DPP6: variants seen among roughly 807,000 people sequenced by gnomAD.
The protein encoded by DPP6 is A-type potassium channel modulatory protein DPP6.
Under a neutral mutation model 122.6 loss-of-function variants are expected in DPP6, and 69 were observed. The ratio of observed to expected loss-of-function variants is 0.56; its 90% CI spans 0.46 to 0.69. The LOEUF is 0.69. Among genes scored for constraint, DPP6 ranks in the 30% least tolerant of loss-of-function variants. The probability of loss-of-function intolerance (pLI) is 0.00; values close to 1 mark genes in which losing one functional copy is unlikely to be tolerated. For missense variants in DPP6, 928 were observed against 1,116.9 expected (o/e 0.83, Z 2.41); for synonymous variants, 418 against 433.1 (o/e 0.97, Z 0.43).
intron 3 of DPP6, among the ~76,000 whole-genome samples, chr7:154,479,557 CAA>C (rs35103324): frequency 3.3e-5 from 3 of 91,212 alleles, no homozygotes; most frequent in Non-Finnish European, 6.2e-5. Flanking sequence ...GACTCCATCT[CAA>C]AAAAAAAAAA....
chr7:154,205,123 G>A (rs1434452160), intron 1 of DPP6, among the ~76,000 whole-genome samples: 2 of 151,936 alleles, frequency 1.3e-5, no homozygotes, highest in East Asian at 1.9e-4. Context: ...GAACAACTTC[G>A]ATGTGGTTTT....
chr7:154,868,117 T>TAAAAGA (rs753702819), intron 18 of DPP6, 24 bp downstream of exon 18: 22 of 1,574,958 alleles, frequency 1.4e-5, no homozygotes, highest in East Asian at 1.4e-4. Flanking sequence ...TTTTCCCCTC[T>TAAAAGA]AAAAGAAAAA....
intron 1 of DPP6, among the ~76,000 whole-genome samples, chr7:154,391,154 CT>C (rs1563592555): frequency 6.6e-6 from 1 of 152,200 alleles, no homozygotes; most frequent in African/African-American, 2.4e-5. Flanking sequence ...TCCGTATGCC[CT>C]TGATTCATAC....
chr7:154,209,372 C>G (rs1332665450), intron 1 of DPP6, among the ~76,000 whole-genome samples: 1 of 152,144 alleles, frequency 6.6e-6, no homozygotes, highest in Admixed American at 6.6e-5. Context: ...AACTCAGCCT[C>G]CATGGATGTG....
intron 16 of DPP6, among the ~76,000 whole-genome samples, chr7:154,836,053 C>T (rs373708477): frequency 3.9e-5 from 6 of 152,172 alleles, no homozygotes; most frequent in African/African-American, 1.2e-4. Context: ...AATGTTCCTC[C>T]GAGGCTCCCA....
intron 1 of DPP6, among the ~76,000 whole-genome samples, chr7:154,309,376 T>A (rs888103871): frequency 2.6e-5 from 4 of 152,202 alleles, no homozygotes; most frequent in African/African-American, 9.7e-5. Flanking sequence ...TAGTATTAAC[T>A]TAAATTTGGT....
intron 1 of DPP6, among the ~76,000 whole-genome samples, chr7:154,413,417 G>T (rs2151210971): frequency 6.6e-6 from 1 of 152,316 alleles, no homozygotes; most frequent in East Asian, 1.9e-4. Flanking sequence ...AGGCTGACAT[G>T]CAAAGAGAGT....
intron 1 of DPP6, among the ~76,000 whole-genome samples, chr7:154,060,345 CGCG>C (rs1563149598): frequency 2.7e-5 from 3 of 111,638 alleles, no homozygotes; most frequent in African/African-American, 1.0e-4. Flanking sequence ...AGGCACCCCC[CGCG>C]AGGCAGGGAC....
chr7:154,235,972 T>C (rs1353546951), intron 1 of DPP6, among the ~76,000 whole-genome samples: 2 of 152,114 alleles, frequency 1.3e-5, no homozygotes, highest in African/African-American at 4.8e-5. Context: ...CTTGCCTCAG[T>C]CTCCCAGCTA....
At chr7:154,776,104 C>G (rs982744462) in intron 10 of DPP6, among the ~76,000 whole-genome samples, 1 of 151,774 alleles carries the variant, frequency 6.6e-6, no homozygotes, top group Non-Finnish European at 1.5e-5. Context: ...GACATCAGGC[C>G]ACGTACCCGC....
chr7:154,558,259 G>A (rs983339972), intron 4 of DPP6, among the ~76,000 whole-genome samples: 20 of 152,044 alleles, frequency 1.3e-4, no homozygotes, highest in East Asian at 9.7e-4. Flanking sequence ...TTGAGACCTC[G>A]GTTAATTATT....
In DPP6 at chr7:154,409,784, A is replaced by G. The variant is rs1390167250; in HGVS notation, c.244-36430A>G. 3.9e-5 allele frequency among the ~76,000 whole-genome samples: 6 copies of G among 152,314 alleles called. No homozygotes were observed. The East Asian group carries it at 1.2e-3, about 29-fold the overall frequency. ...TTAAAAAACCAAGACCTATGGTACC[A>G]GGTTTTGATCCCTGACCTGTGGCAC... On this transcript the variant is annotated intron_variant, in intron 1 of 25. Transcript: ENST00000377770.
At chr7:153,921,709 G>C (rs1800646236) in intron 1 of DPP6, among the ~76,000 whole-genome samples, 1 of 152,216 alleles carries the variant, frequency 6.6e-6, no homozygotes, top group African/African-American at 2.4e-5. Context: ...TACTTTATCA[G>C]TAGCTGAACA....
the DPP6 span, among the ~76,000 whole-genome samples, chr7:153,869,608 T>C: frequency 6.6e-6 from 1 of 152,222 alleles, no homozygotes; most frequent in Non-Finnish European, 1.5e-5. Flanking sequence ...CTATTCAATT[T>C]GCTAGTCTGT....
At chr7:154,644,958 G>C (rs1191779036) in intron 6 of DPP6, among the ~76,000 whole-genome samples, 1 of 151,768 alleles carries the variant, frequency 6.6e-6, no homozygotes, top group South Asian at 2.1e-4. Context: ...CAATCCACCC[G>C]CCTTGGCCTC....
chr7:153,893,987 A>C (rs1241708228), intron 1 of DPP6, among the ~76,000 whole-genome samples: 1 of 152,234 alleles, frequency 6.6e-6, no homozygotes, highest in African/African-American at 2.4e-5. Flanking sequence ...TTAGAGGTAC[A>C]GCAGGCTGTT....
chr7:153,936,963 A>G (rs1404283498), intron 1 of DPP6, among the ~76,000 whole-genome samples: 4 of 152,196 alleles, frequency 2.6e-5, no homozygotes. Flanking sequence ...AGAGTTCCAC[A>G]GGGAGAGAAA....
chr7:153,870,493 C>G, the DPP6 span, among the ~76,000 whole-genome samples: 1 of 152,346 alleles, frequency 6.6e-6, no homozygotes, highest in Non-Finnish European at 1.5e-5. Flanking sequence ...CTGTGGTTTT[C>G]AGCTCCATCA....
Position 154,693,219 on chromosome 7 carries a change from A to G in DPP6, c.762+23778A>G, listed in dbSNP as rs116699081. On this transcript the variant is annotated intron_variant, in intron 7 of 25. Transcript: ENST00000377770. ...GTGCTGTGAGTTGTGTGACAGCTGC[A>G]TTGCAGTTGCAATTGTGTGCTAGTT... is the stretch of plus-strand genomic sequence containing the variant. Among the ~76,000 whole-genome samples the G allele has an allele frequency of 7.3e-3, 1,106 of 152,280 alleles. 12 individuals are homozygous for G. The highest frequency in any genetic ancestry group is 0.025 in the African/African-American group (1,032 of 41,560).
Sources: allele counts gnomAD v4.1 joint callset (sites outside exome capture counted in the v4.1 genomes callset), GRCh38; gene constraint gnomAD v4.1.1; transcripts MANE v1.5; gene names NCBI Gene and HGNC (gene_info 2026-07-23, HGNC 2026-07-21).